ASCC1: variants seen among roughly 807,000 people sequenced by gnomAD.
ASCC1 encodes the protein activating signal cointegrator 1 complex subunit 1, also known as ASC-1 complex subunit P50.
In ASCC1, 35 loss-of-function variants were observed where a neutral mutation model predicts 46.6. The observed-to-expected ratio is 0.75, with a 90% CI of 0.57 to 0.99. The LOEUF (loss-of-function observed/expected upper bound fraction) is 0.99, where lower values mean the gene tolerates loss of function less well. ASCC1 is among the 50% of genes least tolerant of loss of function. The pLI, the probability that ASCC1 is intolerant of heterozygous loss-of-function variation, is 0.00. For synonymous variants in ASCC1, 143 were observed against 146.6 expected, an observed-to-expected ratio of 0.98 and a Z score of 0.18; for missense variants, 376 against 428.7, an observed-to-expected ratio of 0.88 and a Z score of 1.09.
At chr10:72,171,779 G>A (rs1851117328) in intron 5 of ASCC1, among the ~76,000 whole-genome samples, 1 of 152,166 alleles carries the variant, frequency 6.6e-6, no homozygotes, top group Admixed American at 6.5e-5. Context: ...AGTCTCTTTT[G>A]CCATAAAAGG....
At chr10:72,158,568 G>C (rs1849264005) in intron 6 of ASCC1, among the ~76,000 whole-genome samples, 1 of 152,130 alleles carries the variant, frequency 6.6e-6, no homozygotes, top group Admixed American at 6.5e-5. Context: ...CTGAAAAATT[G>C]AAACAAAACT....
intron 5 of ASCC1, among the ~76,000 whole-genome samples, chr10:72,172,580 A>G (rs1252657235): frequency 2.7e-5 from 4 of 148,216 alleles, no homozygotes; most frequent in African/African-American, 9.8e-5. Context: ...TCCTGGCCTC[A>G]AGTGATCCGC....
At position 72,196,861 on chromosome 10, in the gene ASCC1, G is replaced by C; in HGVS notation, c.439C>G (p.Gln147Glu). ...TCCTGGAATCTCAGGAATCCTTCCTGAACCTCAACTTCATTGAGGAAAAAG... is the reference window on the plus strand; with the variant it reads ...TCCTGGAATCTCAGGAATCCTTCCTCAACCTCAACTTCATTGAGGAAAAAG... ...LAFFLNEVEV[Q>E]EGFLRFQEEV... Residue 147 changes from glutamine (Q) to glutamate (E), a missense_variant, in exon 5 of 10, where the codon CAG becomes GAG. By Grantham distance (29) the Gln-to-Glu change is conservative. Transcript: ENST00000672957. 6.2e-7 allele frequency: 1 copy of C among 1,613,386 alleles called. No individual in the cohort carries two copies. The highest frequency in any genetic ancestry group is 8.5e-7 in the Non-Finnish European group (1 of 1,179,974).
chr10:72,200,717 T>C (rs979181268), intron 4 of ASCC1, among the ~76,000 whole-genome samples: 1 of 151,944 alleles, frequency 6.6e-6, no homozygotes, highest in Admixed American at 6.6e-5. Context: ...TAAAATGACC[T>C]TGGTATTTGT....
chr10:72,149,099 C>G (rs1847972172), intron 7 of ASCC1, among the ~76,000 whole-genome samples: 1 of 151,680 alleles, frequency 6.6e-6, no homozygotes, highest in Non-Finnish European at 1.5e-5. Flanking sequence ...TATCTTCTCA[C>G]TAAATTTGGG....
intron 5 of ASCC1, among the ~76,000 whole-genome samples, chr10:72,195,139 G>GTTTTTTTTTTTTTTTTTTTTTT (rs142672810): frequency 1.3e-4 from 8 of 61,018 alleles, no homozygotes; most frequent in East Asian, 9.9e-4. Context: ...TTTTTGCTGT[G>GTTTTTTTTTTTTTTTTTTTTTT]TTTTTTTTTT....
At chr10:72,152,587 T>C (rs1299395445) in intron 7 of ASCC1, among the ~76,000 whole-genome samples, 1 of 152,100 alleles carries the variant, frequency 6.6e-6, no homozygotes, top group Non-Finnish European at 1.5e-5. Context: ...TCCCAGCTAC[T>C]TGAGAGGCTG....
chr10:72,188,113 T>C (rs1564722148), intron 5 of ASCC1, among the ~76,000 whole-genome samples: 1 of 150,282 alleles, frequency 6.7e-6, no homozygotes, highest in Non-Finnish European at 1.5e-5. Flanking sequence ...TGGTTTCTAA[T>C]ACTTCTTCTT....
Position 72,191,369 on chromosome 10 carries a change from T to C in ASCC1, c.489+5442A>G, listed in dbSNP as rs11000210. 1.7e-3 allele frequency among the ~76,000 whole-genome samples: 257 copies of C among 151,664 alleles called. 5 individuals are homozygous for C. The East Asian group carries it at 0.031, about 18-fold the overall frequency. On this transcript the variant is annotated intron_variant, in intron 5 of 9. Coordinates refer to ENST00000672957, the MANE Select transcript of ASCC1 (RefSeq NM_001198800.3). ...CATGAGCCACCGCGCCTGGCTGTTG[T>C]ATCTTGTTTCTAATAAGATAAACAT... is the stretch of plus-strand genomic sequence containing the variant.
intron 3 of ASCC1, among the ~76,000 whole-genome samples, chr10:72,207,513 C>G (rs978753309): frequency 6.6e-6 from 1 of 152,170 alleles, no homozygotes; most frequent in Non-Finnish European, 1.5e-5. Context: ...CCTACCAGGT[C>G]AAGTGGTTCT....
At chr10:72,134,831 G>T (rs556298681) in intron 7 of ASCC1, among the ~76,000 whole-genome samples, 1 of 152,112 alleles carries the variant, frequency 6.6e-6, no homozygotes, top group Admixed American at 6.5e-5. Flanking sequence ...GGGAAAAAAG[G>T]AATAACCGTA....
At chr10:72,172,878 T>A (rs970070230) in intron 5 of ASCC1, among the ~76,000 whole-genome samples, 14 of 125,390 alleles carry the variant, frequency 1.1e-4, no homozygotes, top group East Asian at 9.9e-4. Context: ...TATTATATAT[T>A]ATATTTTTAT....
intron 6 of ASCC1, among the ~76,000 whole-genome samples, chr10:72,156,605 T>C (rs1488963693): frequency 6.6e-6 from 1 of 151,792 alleles, no homozygotes; most frequent in African/African-American, 2.4e-5. Context: ...ACCCCATCTC[T>C]ACTAAATATA....
At chr10:72,203,653 T>C in intron 3 of ASCC1, 129 bp from the exon 4 acceptor site, 1 of 740,178 alleles carries the variant, frequency 1.4e-6, no homozygotes, top group East Asian at 2.5e-5. Context: ...AGCTCAATAT[T>C]TGCGGAAGAA....
chr10:72,120,991 C>T (rs1844130659), intron 9 of ASCC1, among the ~76,000 whole-genome samples: 1 of 152,090 alleles, frequency 6.6e-6, no homozygotes, highest in East Asian at 1.9e-4. Flanking sequence ...AAAACAGTAA[C>T]ATATATAATA....
rs564477000 is a variant in ASCC1 at position 72,100,383 on chromosome 10, A to G, written c.958-2933T>C. Among the ~76,000 whole-genome samples, 115 of 151,368 alleles carry G rather than the reference A, an allele frequency of 7.6e-4. 1 individual carries two copies. The Middle Eastern group carries it at 0.014, about 18-fold the overall frequency. ...TGGGATTACAGGCATACACCACCACACCCAGATAATTTCTGTATTTTTCAG... is the reference window on the plus strand; with the variant it reads ...TGGGATTACAGGCATACACCACCACGCCCAGATAATTTCTGTATTTTTCAG... On this transcript the variant is annotated intron_variant, in intron 9 of 9. Coordinates refer to ENST00000672957, the MANE Select transcript of ASCC1 (RefSeq NM_001198800.3).
At chr10:72,154,416 C>T (rs773057211) in intron 6 of ASCC1, among the ~76,000 whole-genome samples, 5 of 151,800 alleles carry the variant, frequency 3.3e-5, no homozygotes, top group Non-Finnish European at 7.4e-5. Context: ...GTAAAAGAAA[C>T]AACCAGACAA....
intron 7 of ASCC1, among the ~76,000 whole-genome samples, chr10:72,144,865 C>T (rs573007405): frequency 5.3e-5 from 8 of 152,130 alleles, no homozygotes; most frequent in African/African-American, 1.4e-4. Flanking sequence ...TATTTACCCA[C>T]GATTGCTTTC....
intron 9 of ASCC1, among the ~76,000 whole-genome samples, chr10:72,103,308 A>G (rs886347059): frequency 6.6e-6 from 1 of 151,322 alleles, no homozygotes; most frequent in Non-Finnish European, 1.5e-5. Flanking sequence ...AATTTTTTGT[A>G]TTTTTAGTAG....
Sources: gnomAD v4.1 joint callset for allele counts (sites outside exome capture counted in the v4.1 genomes callset) on GRCh38, gnomAD v4.1.1 for gene constraint, MANE v1.5 for transcripts, NCBI Gene and HGNC (gene_info 2026-07-23, HGNC 2026-07-21) for gene names.